TLN2: variants seen among roughly 807,000 people sequenced by gnomAD.
The protein encoded by TLN2 is talin 2.
A neutral mutation model predicts 294.7 loss-of-function variants in TLN2; 118 were observed. That is an observed-to-expected ratio of 0.40 (90% CI 0.34 to 0.47). The LOEUF (loss-of-function observed/expected upper bound fraction) is 0.47. TLN2 is among the 20% of genes least tolerant of loss of function. TLN2 has a pLI of 0.84. For synonymous variants in TLN2, 1,431 were observed against 1,304.5 expected (o/e 1.10, Z -2.09); for missense variants, 3,083 against 3,282.2 (o/e 0.94, Z 1.48).
chr15:62,610,671 T>C (rs543735531), intron 2 of TLN2, among the ~76,000 whole-genome samples: 1 of 152,334 alleles, frequency 6.6e-6, no homozygotes, highest in East Asian at 1.9e-4. Context: ...AGCAGAGAGT[T>C]GCTGGGTGAC....
rs188027212 is a variant in TLN2, at chr15:62,649,399, C to A, written c.137-685C>A. On this transcript the variant is annotated intron_variant, in intron 4 of 58. Coordinates refer to ENST00000636159, the MANE Select transcript of TLN2 (RefSeq NM_015059.3). ...TTCTAAGAAACAGCAGGAGCTCTTA[C>A]CCTCATCTGGGTCTCAGAAGAAAGA... Among the ~76,000 whole-genome samples the A allele has an allele frequency of 3.0e-3, 461 of 152,122 alleles. 3 individuals are homozygous for A. In the Middle Eastern group the frequency reaches 0.034, roughly 11 times the overall value.
intron 8 of TLN2, 138 bp from the exon 9 acceptor site, chr15:62,657,633 T>C (rs2053375494): frequency 7.4e-7 from 1 of 1,351,372 alleles, no homozygotes; most frequent in Non-Finnish European, 9.8e-7. Context: ...ATCCACTGTG[T>C]CCTGCACATG....
At chr15:62,607,030 C>T (rs957236451) in intron 2 of TLN2, among the ~76,000 whole-genome samples, 1 of 152,178 alleles carries the variant, frequency 6.6e-6, no homozygotes, top group Admixed American at 6.5e-5. Flanking sequence ...TCCGCCCCTT[C>T]CTCATCTCCG....
chr15:62,784,878 G>C (rs562104817), intron 45 of TLN2: 2 of 152,212 alleles, frequency 1.3e-5, no homozygotes, highest in Non-Finnish European at 2.9e-5. Flanking sequence ...TATAGTGACA[G>C]TCACTGTCCC....
chr15:62,599,911 A>G (rs1358662212), intron 2 of TLN2, among the ~76,000 whole-genome samples: 1 of 152,190 alleles, frequency 6.6e-6, no homozygotes, highest in Non-Finnish European at 1.5e-5. Flanking sequence ...GGAAATAAAA[A>G]TTGACCGTGG....
At chr15:62,626,448 C>G (rs1371746326) in intron 3 of TLN2, among the ~76,000 whole-genome samples, 1 of 152,220 alleles carries the variant, frequency 6.6e-6, no homozygotes, top group Admixed American at 6.5e-5. Context: ...GGCCAAAGCA[C>G]TACTGACTTG....
rs563246671 is a variant in TLN2, at chr15:62,606,082, AT to A, written c.-161-12259del. Among the ~76,000 whole-genome samples the A allele has an allele frequency of 2.8e-5, 4 of 144,708 alleles. No homozygotes were observed. In the East Asian group the frequency reaches 5.9e-4, roughly 21 times the overall value. The allele number at this position is 144,708 out of a possible 152,430, so 94.9% of individuals were successfully genotyped here. On this transcript the variant is annotated intron_variant, in intron 2 of 58. Coordinates refer to ENST00000636159, the MANE Select transcript of TLN2 (RefSeq NM_015059.3). The stretch of plus-strand genomic sequence containing the variant: ...AGACAGTGTTTACCATTTCAAAAAG[AT>A]TTTTTTTTTGTTTTTTGAGACGGAG...
At chr15:62,790,895 G>A (rs186579066) in intron 45 of TLN2, among the ~76,000 whole-genome samples, 217 of 152,360 alleles carry the variant, frequency 1.4e-3, no homozygotes, top group African/African-American at 5.0e-3. Flanking sequence ...TTGCAGAGCT[G>A]CCGTGTTGTG....
rs1269310007 is a variant in TLN2 at position 62,612,482 on chromosome 15, A to G, written c.-161-5869A>G. ...TTTTTACCCTTTCAGAACTATGACAACAAGCTCCCAGAAGTTTTAAAACAC... is the reference window on the plus strand; with the variant it reads ...TTTTTACCCTTTCAGAACTATGACAGCAAGCTCCCAGAAGTTTTAAAACAC... On this transcript the variant is annotated intron_variant, in intron 2 of 58. Transcript: ENST00000636159. Among the ~76,000 whole-genome samples, 9 of 152,132 alleles carry G rather than the reference A, an allele frequency of 5.9e-5. No individual in the cohort carries two copies. In the South Asian group the frequency reaches 1.0e-3, roughly 18 times the overall value.
intron 1 of TLN2, among the ~76,000 whole-genome samples, chr15:62,400,812 GTTTTTTTT>G (rs11369905): frequency 1.7e-5 from 2 of 119,470 alleles, no homozygotes; most frequent in Non-Finnish European, 3.4e-5. Flanking sequence ...TATGTTTCCG[GTTTTTTTT>G]TTTTTTTTTT....
chr15:62,648,374 C>G (rs2052151672), intron 4 of TLN2, among the ~76,000 whole-genome samples: 1 of 138,544 alleles, frequency 7.2e-6, no homozygotes, highest in Non-Finnish European at 1.5e-5. Context: ...CACTGCACTC[C>G]AGCCTGGGCG....
chr15:62,665,936 T>G (rs2054582490), intron 9 of TLN2, among the ~76,000 whole-genome samples: 1 of 152,192 alleles, frequency 6.6e-6, no homozygotes, highest in Non-Finnish European at 1.5e-5. Flanking sequence ...CAGTGAACTT[T>G]TGTCTTGTGT....
chr15:62,484,618 G>A (rs2038286405), intron 1 of TLN2, among the ~76,000 whole-genome samples: 1 of 151,992 alleles, frequency 6.6e-6, no homozygotes, highest in Admixed American at 6.6e-5. Context: ...GTAGAGACAG[G>A]GTTTCACCAT....
At chr15:62,561,743 C>T (rs1164184188) in intron 1 of TLN2, among the ~76,000 whole-genome samples, 1 of 152,176 alleles carries the variant, frequency 6.6e-6, no homozygotes, top group African/African-American at 2.4e-5. Context: ...CTTCAGACCC[C>T]ACCCTGGCCT....
intron 2 of TLN2, among the ~76,000 whole-genome samples, chr15:62,591,532 A>C (rs2046075557): frequency 6.6e-6 from 1 of 152,220 alleles, no homozygotes; most frequent in South Asian, 2.1e-4. Context: ...GCGAACATCC[A>C]GTTTAGCTTT....
Position 62,703,292 on chromosome 15 carries a change from G to A in TLN2, c.2004+428G>A, listed in dbSNP as rs549747626. ...TAATTTTTGTATTTTTAGTAGAGAC[G>A]GGGTTTCACTATGTTGGTCAGGCTG... is the stretch of plus-strand genomic sequence containing the variant. On this transcript the variant is annotated intron_variant, in intron 19 of 58. Transcript: ENST00000636159. 3.3e-5 allele frequency among the ~76,000 whole-genome samples: 5 copies of A among 151,924 alleles called. No homozygotes were observed. The East Asian group carries it at 7.8e-4, about 24-fold the overall frequency.
intron 22 of TLN2, among the ~76,000 whole-genome samples, chr15:62,714,991 C>G (rs932291914): frequency 3.9e-5 from 6 of 152,124 alleles, no homozygotes; most frequent in Admixed American, 2.0e-4. Context: ...ACCTGATGAA[C>G]AGAAAAAAAC....
chr15:62,770,609 C>T (rs1339185937), intron 41 of TLN2, among the ~76,000 whole-genome samples: 1 of 152,192 alleles, frequency 6.6e-6, no homozygotes, highest in Non-Finnish European at 1.5e-5. Context: ...CCCTTTTCCA[C>T]TCCTCCTTCC....
chr15:62,755,680 T>C lies in TLN2; in HGVS notation c.4625T>C (p.Val1542Ala). Residue 1542 changes from valine (V) to alanine (A), a missense_variant, in exon 37 of 59, where the codon GTG becomes GCG. Transcript: ENST00000636159. Reference sequence around the variant, plus strand: ...GTCGCCAACAGCACTGCCAACCTGGTGAAGACCATCAAGGTAGGTCGCTGG... The same window carrying C: ...GTCGCCAACAGCACTGCCAACCTGGCGAAGACCATCAAGGTAGGTCGCTGG... The part of the protein sequence containing the change: ...KEVANSTANL[V>A]KTIKALDGDF... 2 of 1,614,202 alleles carry C rather than the reference T, an allele frequency of 1.2e-6. No individual in the cohort carries two copies. Among genetic ancestry groups the C allele is most frequent in the Non-Finnish European group, 1.7e-6 (2 of 1,180,024 alleles).
Sources: allele counts gnomAD v4.1 joint callset (sites outside exome capture counted in the v4.1 genomes callset), GRCh38; gene constraint gnomAD v4.1.1; transcripts MANE v1.5; gene names NCBI Gene and HGNC (gene_info 2026-07-23, HGNC 2026-07-21).